Variants in ESRRG observed in about 807,000 individuals in gnomAD.
ESRRG encodes estrogen related receptor gamma.
Under a neutral mutation model 44.0 loss-of-function variants are expected in ESRRG, and 13 were observed. That is an observed-to-expected ratio of 0.30 (90% confidence interval 0.19 to 0.47). The LOEUF is 0.47. Among genes scored for constraint, ESRRG ranks in the 20% least tolerant of loss-of-function variants. The pLI, the probability that ESRRG is intolerant of heterozygous loss-of-function variation, is 1.00. For synonymous variants in ESRRG, 215 were observed against 214.6 expected, an observed-to-expected ratio of 1.00 and a Z score of -0.02; for missense variants, 395 against 580.6, an observed-to-expected ratio of 0.68 and a Z score of 3.29.
intron 4 of ESRRG, among the ~76,000 whole-genome samples, chr1:216,565,381 A>C (rs2059506319): frequency 6.6e-6 from 1 of 152,194 alleles, no homozygotes; most frequent in Non-Finnish European, 1.5e-5. Context: ...CCACATATTT[A>C]AATGTTCTAT....
At chr1:217,058,914 T>C (rs543786980) in intron 1 of ESRRG, among the ~76,000 whole-genome samples, 4 of 148,302 alleles carry the variant, frequency 2.7e-5, no homozygotes, top group African/African-American at 4.9e-5. Flanking sequence ...GAATAAACTA[T>C]ATAAAATATA....
chr1:217,023,950 A>G (rs887276606), intron 1 of ESRRG, among the ~76,000 whole-genome samples: 1 of 152,250 alleles, frequency 6.6e-6, no homozygotes, highest in Non-Finnish European at 1.5e-5. Context: ...TAGAAGATAC[A>G]GTCATGACAT....
At chr1:217,103,571 T>C (rs1209206682) in intron 1 of ESRRG, among the ~76,000 whole-genome samples, 1 of 151,288 alleles carries the variant, frequency 6.6e-6, no homozygotes, top group African/African-American at 2.4e-5. Context: ...GGAGGGAGGA[T>C]CACTTCAGCC....
chr1:217,015,033 T>A (rs961221625), intron 1 of ESRRG, among the ~76,000 whole-genome samples: 1 of 152,202 alleles, frequency 6.6e-6, no homozygotes, highest in African/African-American at 2.4e-5. Context: ...TTGAACAATC[T>A]GCTCTGAAAA....
intron 2 of ESRRG, among the ~76,000 whole-genome samples, chr1:216,665,555 G>T (rs1383763522): frequency 6.6e-6 from 1 of 152,182 alleles, no homozygotes; most frequent in East Asian, 1.9e-4. Flanking sequence ...GAGAAATGAG[G>T]AGTTGTTTCA....
chr1:216,586,146 A>G (rs371700254), intron 3 of ESRRG, among the ~76,000 whole-genome samples: 1 of 152,234 alleles, frequency 6.6e-6, no homozygotes, highest in Non-Finnish European at 1.5e-5. Context: ...ATTCACAACC[A>G]GAGTAATGAT....
intron 1 of ESRRG, among the ~76,000 whole-genome samples, chr1:216,940,207 A>G (rs2064995598): frequency 6.6e-6 from 1 of 152,288 alleles, no homozygotes; most frequent in South Asian, 2.1e-4. Flanking sequence ...AAAAACTTGA[A>G]GCTTCTATTT....
chr1:217,003,615 A>G (rs1403226521), intron 1 of ESRRG, among the ~76,000 whole-genome samples: 1 of 150,096 alleles, frequency 6.7e-6, no homozygotes, highest in East Asian at 1.9e-4. Context: ...ATTAATACTA[A>G]CATAAGGCCT....
chr1:216,771,269 G>A (rs17043763), intron 2 of ESRRG, among the ~76,000 whole-genome samples: 206 of 152,198 alleles, frequency 1.4e-3, no homozygotes, highest in African/African-American at 4.8e-3. Flanking sequence ...TTATTCATCT[G>A]CTAAAGATGC....
At chr1:216,912,765 T>C (rs966800887) in intron 2 of ESRRG, among the ~76,000 whole-genome samples, 1 of 152,134 alleles carries the variant, frequency 6.6e-6, no homozygotes, top group African/African-American at 2.4e-5. Context: ...TACATATATA[T>C]ACACACAGTC....
chr1:216,806,476 C>T (rs370371370), intron 2 of ESRRG, among the ~76,000 whole-genome samples: 9 of 152,210 alleles, frequency 5.9e-5, no homozygotes, highest in South Asian at 2.1e-4. Context: ...AAAGGTTGTA[C>T]GAAAGGTTTT....
At chr1:216,933,485 G>GAAATAC (rs2063666646) in intron 2 of ESRRG, among the ~76,000 whole-genome samples, 2 of 152,020 alleles carry the variant, frequency 1.3e-5, no homozygotes, top group Non-Finnish European at 2.9e-5. Flanking sequence ...AATTTCTGTG[G>GAAATAC]TGTAAATACT....
intron 1 of ESRRG, among the ~76,000 whole-genome samples, chr1:217,101,711 T>A (rs746773680): frequency 3.7e-4 from 57 of 152,234 alleles, no homozygotes; most frequent in Non-Finnish European, 6.0e-4. Flanking sequence ...ATTTAGTTTA[T>A]AAAGTCATGT....
At chr1:217,036,846 A>AAG (rs200332373) in intron 1 of ESRRG, among the ~76,000 whole-genome samples, 2,086 of 151,586 alleles carry the variant, frequency 0.014, 18 homozygotes, top group Non-Finnish European at 0.02. Flanking sequence ...GAAAAGAAAA[A>AAG]AAAAAGAGTA....
chr1:216,870,875 A>AT (rs762537998), intron 2 of ESRRG, among the ~76,000 whole-genome samples: 1 of 151,270 alleles, frequency 6.6e-6, no homozygotes, highest in South Asian at 2.1e-4. Context: ...TGTGTATTTC[A>AT]TTTTTTTCTT....
At chr1:216,960,353 C>T (rs1476763544) in intron 1 of ESRRG, among the ~76,000 whole-genome samples, 1 of 152,158 alleles carries the variant, frequency 6.6e-6, no homozygotes, top group Non-Finnish European at 1.5e-5. Context: ...GACCCTTCCT[C>T]AATTCCATTC....
At chr1:217,017,723 A>T (rs1330703718) in intron 1 of ESRRG, among the ~76,000 whole-genome samples, 2 of 152,126 alleles carry the variant, frequency 1.3e-5, no homozygotes, top group Non-Finnish European at 2.9e-5. Context: ...TGGAAAAAAA[A>T]TTAATTAAAA....
chr1:216,716,718 A>T (rs989951855), intron 1 of ESRRG, among the ~76,000 whole-genome samples: 3 of 151,958 alleles, frequency 2.0e-5, no homozygotes, highest in South Asian at 2.1e-4. Context: ...ATTTAATCTA[A>T]TCTGAAGTAG....
intron 2 of ESRRG, among the ~76,000 whole-genome samples, chr1:216,772,299 C>T (rs368667339): frequency 1.6e-4 from 24 of 152,200 alleles, no homozygotes; most frequent in African/African-American, 4.6e-4. Context: ...AGTCCTAAAA[C>T]GGTGGATCTA....
Sources: gnomAD v4.1 joint callset for allele counts (sites outside exome capture counted in the v4.1 genomes callset) on GRCh38, gnomAD v4.1.1 for gene constraint, MANE v1.5 for transcripts, NCBI Gene and HGNC (gene_info 2026-07-23, HGNC 2026-07-21) for gene names.